The following RAD51B variants were observed in gnomAD, a reference collection of about 807,000 sequenced individuals.
RAD51B encodes the protein DNA repair protein RAD51 homolog 2.
RAD51B carries 38 observed loss-of-function variants against 42.2 expected under a neutral mutation model. The observed-to-expected ratio is 0.90, with a 90% CI of 0.70 to 1.18. The LOEUF (loss-of-function observed/expected upper bound fraction) is 1.18, where lower values mean the gene tolerates loss of function less well. Ranked by LOEUF, RAD51B falls within the 50% of genes most tolerant of loss-of-function variation. The pLI, the probability that RAD51B is intolerant of heterozygous loss-of-function variation, is 0.00. For missense variants in RAD51B, 373 were observed against 400.7 expected (o/e 0.93, Z 0.59); for synonymous variants, 154 against 145.2 (o/e 1.06, Z -0.43).
intron 10 of RAD51B, among the ~76,000 whole-genome samples, chr14:68,573,268 C>T (rs1480642313): frequency 6.6e-6 from 1 of 152,120 alleles, no homozygotes; most frequent in Non-Finnish European, 1.5e-5. Context: ...GAGCCCTGCT[C>T]CTTCTCTACC....
At chr14:68,098,375 C>T (rs2077230043) in intron 7 of RAD51B, among the ~76,000 whole-genome samples, 1 of 152,166 alleles carries the variant, frequency 6.6e-6, no homozygotes, top group African/African-American at 2.4e-5. Context: ...AAAAAGTAAG[C>T]AATTAGACAT....
At chr14:68,519,144 C>G (rs945960769) in intron 10 of RAD51B, among the ~76,000 whole-genome samples, 3 of 152,222 alleles carry the variant, frequency 2.0e-5, no homozygotes, top group African/African-American at 7.2e-5. Context: ...CAGGCTTTTC[C>G]ACCTCCAGAG....
chr14:68,352,213 G>T (rs759871441), intron 8 of RAD51B, among the ~76,000 whole-genome samples: 4 of 152,166 alleles, frequency 2.6e-5, no homozygotes, highest in Non-Finnish European at 5.9e-5. Context: ...ATGAATAGAT[G>T]GTATTGGGTG....
chr14:68,397,180 C>G (rs1195836345), intron 8 of RAD51B, among the ~76,000 whole-genome samples: 1 of 152,162 alleles, frequency 6.6e-6, no homozygotes, highest in Non-Finnish European at 1.5e-5. Context: ...GACACATTAC[C>G]CAAAGTTGGT....
At chr14:68,120,053 A>G (rs2077620950) in intron 7 of RAD51B, among the ~76,000 whole-genome samples, 1 of 152,064 alleles carries the variant, frequency 6.6e-6, no homozygotes, top group South Asian at 2.1e-4. Flanking sequence ...TTTGATTTGC[A>G]TTTCTCTGAT....
intron 7 of RAD51B, among the ~76,000 whole-genome samples, chr14:68,289,180 C>T (rs1388010030): frequency 6.6e-6 from 1 of 152,108 alleles, no homozygotes; most frequent in Non-Finnish European, 1.5e-5. Flanking sequence ...ATTTATTAAC[C>T]TGTATATGCT....
intron 7 of RAD51B, among the ~76,000 whole-genome samples, chr14:68,123,224 C>T (rs1311685665): frequency 5.6e-5 from 7 of 124,352 alleles, no homozygotes; most frequent in Non-Finnish European, 9.5e-5. Context: ...ACAGAGCTGT[C>T]TCCTCCAGAC....
intron 7 of RAD51B, among the ~76,000 whole-genome samples, chr14:68,070,637 G>C (rs2076726329): frequency 6.6e-6 from 1 of 152,112 alleles, no homozygotes; most frequent in African/African-American, 2.4e-5. Context: ...ATTTGCCTGT[G>C]TGTCTGTTTT....
At chr14:68,455,652 G>A (rs892550531) in intron 9 of RAD51B, among the ~76,000 whole-genome samples, 13 of 151,726 alleles carry the variant, frequency 8.6e-5, no homozygotes, top group African/African-American at 1.9e-4. Flanking sequence ...CCCAGGAGGC[G>A]GAGGTTGCAG....
intron 7 of RAD51B, among the ~76,000 whole-genome samples, chr14:68,025,261 G>C (rs1344884219): frequency 6.6e-6 from 1 of 152,028 alleles, no homozygotes; most frequent in Non-Finnish European, 1.5e-5. Context: ...TTTTGTTGAG[G>C]ATTTTTACAC....
intron 3 of RAD51B, among the ~76,000 whole-genome samples, chr14:67,827,635 C>G (rs968922016): frequency 5.3e-5 from 8 of 152,180 alleles, no homozygotes; most frequent in African/African-American, 4.8e-5. Context: ...CCCTCTCCCC[C>G]ACAACCTCGC....
At chr14:67,860,324 T>A (rs560550924) in intron 4 of RAD51B, among the ~76,000 whole-genome samples, 3 of 152,348 alleles carry the variant, frequency 2.0e-5, no homozygotes, top group African/African-American at 7.2e-5. Flanking sequence ...AATTTCATTT[T>A]GTGCCATTAA....
chr14:68,477,570 G>C (rs1882770272), intron 10 of RAD51B, 78 bp from the exon 11 acceptor site: 3 of 1,487,666 alleles, frequency 2.0e-6, no homozygotes, highest in Non-Finnish European at 2.7e-6. Context: ...GTTCCATTTA[G>C]GTTGCTGGTG....
intron 7 of RAD51B, among the ~76,000 whole-genome samples, chr14:68,211,068 C>G (rs1307084539): frequency 6.6e-6 from 1 of 152,174 alleles, no homozygotes; most frequent in Non-Finnish European, 1.5e-5. Context: ...AAACATGTGC[C>G]TTGTCTTCCT....
Position 68,005,033 on chromosome 14 carries a change from G to A in RAD51B, c.756+117829G>A, listed in dbSNP as rs576385437. 4.8e-5 allele frequency among the ~76,000 whole-genome samples: 6 copies of A among 125,934 alleles called. 1 individual carries two copies. The highest frequency in any genetic ancestry group is 5.2e-4 in the South Asian group (2 of 3,876). 82.6% of individuals were successfully genotyped at this position (125,934 alleles called of 152,430 possible). On this transcript the variant is annotated intron_variant, in intron 7 of 10. Coordinates refer to ENST00000471583, the MANE Select transcript of RAD51B (RefSeq NM_133510.4). Reference sequence around the variant, plus strand: ...TATGTATCCATTCTACCATTCTACTGTGTGTGTGTGTGTTTTTTTTTTTTT... The same window carrying A: ...TATGTATCCATTCTACCATTCTACTATGTGTGTGTGTGTTTTTTTTTTTTT...
chr14:68,464,923 G>C (rs76474367), intron 9 of RAD51B, among the ~76,000 whole-genome samples: 7,325 of 152,148 alleles, frequency 0.048, 562 homozygotes, highest in African/African-American at 0.17. Flanking sequence ...TTTGATTTCC[G>C]GCAGAGAGGT....
At chr14:67,951,952 G>A (rs2074460091) in intron 7 of RAD51B, among the ~76,000 whole-genome samples, 1 of 152,014 alleles carries the variant, frequency 6.6e-6, no homozygotes, top group Admixed American at 6.6e-5. Flanking sequence ...TGTTGAAAAA[G>A]CAGTAGATAT....
intron 7 of RAD51B, among the ~76,000 whole-genome samples, chr14:67,918,154 A>G (rs2044215258): frequency 6.6e-6 from 1 of 152,126 alleles, no homozygotes; most frequent in African/African-American, 2.4e-5. Flanking sequence ...ATAATGGAGA[A>G]TCTACTCAGG....
chr14:67,980,185 C>G (rs1012812835), intron 7 of RAD51B, among the ~76,000 whole-genome samples: 3 of 152,046 alleles, frequency 2.0e-5, no homozygotes, highest in African/African-American at 4.8e-5. Context: ...TGGCTCATGC[C>G]TGTGATAACA....
Sources: gnomAD v4.1 joint callset for allele counts (sites outside exome capture counted in the v4.1 genomes callset) on GRCh38, gnomAD v4.1.1 for gene constraint, MANE v1.5 for transcripts, NCBI Gene and HGNC (gene_info 2026-07-23, HGNC 2026-07-21) for gene names.